Variants in PLA2R1 observed in about 807,000 individuals in gnomAD.
PLA2R1 encodes the protein secretory phospholipase A2 receptor.
A neutral mutation model predicts 195.9 loss-of-function variants in PLA2R1; 158 were observed. The ratio of observed to expected loss-of-function variants is 0.81; its 90% CI spans 0.71 to 0.92. PLA2R1 has a LOEUF of 0.92. Among genes scored for constraint, PLA2R1 ranks in the 40% least tolerant of loss-of-function variants. The probability of loss-of-function intolerance (pLI) is 0.00; values close to 1 mark genes in which losing one functional copy is unlikely to be tolerated. For synonymous variants in PLA2R1, 586 were observed against 598.2 expected (o/e 0.98, Z 0.30); for missense variants, 1,626 against 1,764.6 (o/e 0.92, Z 1.41).
downstream of PLA2R1, among the ~76,000 whole-genome samples, chr2:159,931,740 C>T (rs1397789237): frequency 1.3e-5 from 2 of 152,032 alleles, no homozygotes; most frequent in African/African-American, 2.4e-5. Context: ...GTTTCATTTT[C>T]ATTTACGAAA....
At chr2:159,994,739 G>C (rs1488725986) in intron 11 of PLA2R1, among the ~76,000 whole-genome samples, 2 of 151,920 alleles carry the variant, frequency 1.3e-5, no homozygotes, top group Non-Finnish European at 2.9e-5. Flanking sequence ...TTCTACTACT[G>C]GTAGATACCA....
At chr2:159,990,780 A>T (rs546568725) in intron 11 of PLA2R1, among the ~76,000 whole-genome samples, 1 of 152,322 alleles carries the variant, frequency 6.6e-6, no homozygotes, top group East Asian at 1.9e-4. Flanking sequence ...CTGATTATGC[A>T]GTTGGAAAAA....
chr2:159,983,508 T>C (rs1690111730), intron 13 of PLA2R1, among the ~76,000 whole-genome samples: 1 of 150,256 alleles, frequency 6.7e-6, no homozygotes, highest in Non-Finnish European at 1.5e-5. Context: ...ATATACAAAA[T>C]AATTAGCGGT....
At chr2:159,960,458 C>T (rs940175587) in intron 20 of PLA2R1, among the ~76,000 whole-genome samples, 1 of 152,082 alleles carries the variant, frequency 6.6e-6, no homozygotes, top group Non-Finnish European at 1.5e-5. Context: ...GAATGAAGTG[C>T]TCCAATTTGA....
downstream of PLA2R1, among the ~76,000 whole-genome samples, chr2:159,929,126 T>C (rs1686537131): frequency 6.6e-6 from 1 of 151,882 alleles, no homozygotes; most frequent in Non-Finnish European, 1.5e-5. Context: ...CAAAAGCAAA[T>C]GCAACAAAAA....
chr2:160,028,923 G>A lies in PLA2R1; in HGVS notation c.882C>T (p.Leu294=), dbSNP rs200048543. The A allele has an allele frequency of 3.5e-4, 565 of 1,610,306 alleles. 1 individual carries two copies. The highest frequency in any genetic ancestry group is 4.5e-4 in the Non-Finnish European group (525 of 1,176,454). ...AGCCAGCGTGTTCATCCAGCTGATT[G>A]AGGCCCATCCACACCTCCACTGTTT... ...SSKTVEVWMG[L]NQLDEHAGWQ... is the part of the protein sequence containing the mutation. The change falls in exon 5 of 30, where the codon CTC becomes CTT. Residue 294 remains leucine, a synonymous_variant. Coordinates refer to ENST00000283243, the MANE Select transcript of PLA2R1 (RefSeq NM_007366.5).
intron 9 of PLA2R1, among the ~76,000 whole-genome samples, chr2:160,013,909 G>A (rs973669598): frequency 6.6e-6 from 1 of 151,984 alleles, no homozygotes; most frequent in Non-Finnish European, 1.5e-5. Flanking sequence ...TATACGATGA[G>A]GATAATAATA....
At position 159,936,104 on chromosome 2, in the gene PLA2R1, G is replaced by A. The variant is rs6749728; in HGVS notation, c.*5674C>T. 150,246 of 151,928 alleles carry A rather than the reference G, an allele frequency of 0.99. 74,313 individuals carry two copies. Among genetic ancestry groups the A allele is most frequent in the Middle Eastern group, 1 (296 of 296 alleles). 9.4% of individuals were successfully genotyped at this position (151,928 alleles called of 1,614,324 possible). On this transcript the variant is annotated 3_prime_UTR_variant, in exon 30 of 30. Coordinates refer to ENST00000283243, the MANE Select transcript of PLA2R1 (RefSeq NM_007366.5). The stretch of plus-strand genomic sequence containing the variant: ...GTAGCTGGGAATACAGGCACCCGCC[G>A]CAACACACAGCTAATTTTTTTGTAT...
intron 12 of PLA2R1, 37 bp from the exon 13 acceptor site, chr2:159,984,110 G>A: frequency 9.8e-7 from 1 of 1,021,670 alleles, no homozygotes; most frequent in Non-Finnish European, 1.5e-6. Flanking sequence ...CATTGTTATA[G>A]ATAAAGTCAG....
intron 4 of PLA2R1, 24 bp from the exon 5 acceptor site, chr2:160,028,987 CAA>C: frequency 8.5e-7 from 1 of 1,180,166 alleles, no homozygotes; most frequent in Non-Finnish European, 1.2e-6. Flanking sequence ...TATGGAGCTT[CAA>C]AAAAAAAATC....
chr2:159,958,212 C>T (rs112728981), intron 20 of PLA2R1, among the ~76,000 whole-genome samples: 2,166 of 152,154 alleles, frequency 0.014, 43 homozygotes, highest in African/African-American at 0.05. Context: ...GTTCTCAGTT[C>T]ATGCGAGATC....
intron 1 of PLA2R1, among the ~76,000 whole-genome samples, chr2:160,049,601 C>T (rs1357929411): frequency 6.6e-6 from 1 of 152,042 alleles, no homozygotes; most frequent in African/African-American, 2.4e-5. Context: ...GGCGTGGTGG[C>T]TCACACCTGT....
Position 160,044,838 on chromosome 2 carries a change from C to T in PLA2R1, c.429G>A (p.Lys143=). The T allele has an allele frequency of 6.2e-7, 1 of 1,613,918 alleles. No homozygotes were observed. Among genetic ancestry groups the T allele is most frequent in the Non-Finnish European group, 8.5e-7 (1 of 1,179,794 alleles). ...CATAAGAAATCCACTTATGAATATA[C>T]TTCCGTGAGGCCACCACTGTGTTGT... is the stretch of plus-strand genomic sequence containing the variant. ...AHDNTVVASR[K]YIHKWISYGS... Residue 143 remains lysine (K), a synonymous_variant, in exon 2 of 30, where the codon AAG becomes AAA. Transcript: ENST00000283243.
intron 3 of PLA2R1, among the ~76,000 whole-genome samples, chr2:160,038,431 G>A (rs556899841): frequency 2.6e-5 from 4 of 152,302 alleles, no homozygotes; most frequent in Admixed American, 6.5e-5. Flanking sequence ...CTGCTGGAAC[G>A]GGGACCACAC....
intron 3 of PLA2R1, among the ~76,000 whole-genome samples, chr2:160,041,093 T>C (rs1694493286): frequency 6.6e-6 from 1 of 152,230 alleles, no homozygotes; most frequent in African/African-American, 2.4e-5. Flanking sequence ...TTATACTCTT[T>C]CTTATTTGCT....
chr2:159,954,199 T>C (rs1231963587), intron 23 of PLA2R1, among the ~76,000 whole-genome samples: 1 of 152,050 alleles, frequency 6.6e-6, no homozygotes, highest in Non-Finnish European at 1.5e-5. Context: ...ACCTACTTCA[T>C]AGAACTGTCT....
intron 20 of PLA2R1, among the ~76,000 whole-genome samples, chr2:159,960,544 C>T (rs1688373173): frequency 1.3e-5 from 2 of 152,086 alleles, no homozygotes; most frequent in African/African-American, 4.8e-5. Flanking sequence ...TGACTAATCC[C>T]AAACTAGACA....
At chr2:160,031,617 T>C (rs1693855854) in intron 4 of PLA2R1, among the ~76,000 whole-genome samples, 1 of 152,176 alleles carries the variant, frequency 6.6e-6, no homozygotes, top group Admixed American at 6.5e-5. Context: ...TTAAATCACT[T>C]GCTTGAGTAA....
chr2:159,969,877 C>A (rs1689040024), intron 18 of PLA2R1, among the ~76,000 whole-genome samples: 1 of 151,690 alleles, frequency 6.6e-6, no homozygotes, highest in African/African-American at 2.4e-5. Flanking sequence ...GTTCTCATCA[C>A]AAAAATGAAT....
Sources: gnomAD v4.1 joint callset for allele counts (sites outside exome capture counted in the v4.1 genomes callset) on GRCh38, gnomAD v4.1.1 for gene constraint, MANE v1.5 for transcripts, NCBI Gene and HGNC (gene_info 2026-07-23, HGNC 2026-07-21) for gene names.